Variants in FAF1 observed in about 807,000 individuals in gnomAD.
The protein encoded by FAF1 is FAS-associated factor 1.
A neutral mutation model predicts 92.5 loss-of-function variants in FAF1; 25 were observed. The ratio of observed to expected loss-of-function variants is 0.27; its 90% CI spans 0.20 to 0.38. FAF1 has a LOEUF of 0.38. Ranked by LOEUF, FAF1 falls within the 10% of genes least tolerant of loss-of-function variation. The pLI, the probability that FAF1 is intolerant of heterozygous loss-of-function variation, is 1.00. For missense variants in FAF1, 636 were observed against 793.3 expected, an observed-to-expected ratio of 0.80 and a Z score of 2.38; for synonymous variants, 234 against 273.2, an observed-to-expected ratio of 0.86 and a Z score of 1.42.
intron 17 of FAF1, among the ~76,000 whole-genome samples, chr1:50,477,125 G>T (rs1646648450): frequency 6.6e-6 from 1 of 152,178 alleles, no homozygotes; most frequent in Admixed American, 6.5e-5. Flanking sequence ...AGGTGAATTT[G>T]GTTGGTTCTA....
intron 1 of FAF1, among the ~76,000 whole-genome samples, chr1:50,876,476 C>A (rs1644572514): frequency 6.6e-6 from 1 of 152,144 alleles, no homozygotes; most frequent in Non-Finnish European, 1.5e-5. Flanking sequence ...AATGTAAACA[C>A]CACACATACA....
chr1:50,878,859 A>G (rs1472467742), intron 1 of FAF1, among the ~76,000 whole-genome samples: 5 of 152,214 alleles, frequency 3.3e-5, no homozygotes, highest in Non-Finnish European at 5.9e-5. Flanking sequence ...CCAGAATCAC[A>G]GTGTTAGCAA....
chr1:50,769,358 C>A (rs2124543259), intron 4 of FAF1, among the ~76,000 whole-genome samples: 2 of 152,304 alleles, frequency 1.3e-5, no homozygotes, highest in East Asian at 3.9e-4. Context: ...TGAGTTCTAC[C>A]AGATGCATAG....
At chr1:50,800,658 A>C (rs1031194530) in intron 3 of FAF1, among the ~76,000 whole-genome samples, 4 of 152,196 alleles carry the variant, frequency 2.6e-5, no homozygotes, top group African/African-American at 9.7e-5. Flanking sequence ...ACAGGTATCA[A>C]ACAAATTTTG....
chr1:50,598,156 T>G (rs1208749838), intron 8 of FAF1, among the ~76,000 whole-genome samples: 1 of 151,872 alleles, frequency 6.6e-6, no homozygotes, highest in Non-Finnish European at 1.5e-5. Flanking sequence ...ATTAGCTGGG[T>G]ATGGGGGTGC....
intron 2 of FAF1, among the ~76,000 whole-genome samples, chr1:50,835,961 T>A (rs978732002): frequency 2.6e-5 from 4 of 152,120 alleles, no homozygotes; most frequent in African/African-American, 7.2e-5. Flanking sequence ...CAGGGAAGAC[T>A]GCAAGGCTTA....
At chr1:50,949,836 A>G (rs1391107375) in intron 1 of FAF1, among the ~76,000 whole-genome samples, 2 of 151,574 alleles carry the variant, frequency 1.3e-5, no homozygotes, top group Non-Finnish European at 2.9e-5. Flanking sequence ...TTCTGCTTAC[A>G]GGTACATATA....
chr1:50,624,932 G>C (rs1413679721), intron 8 of FAF1, among the ~76,000 whole-genome samples: 1 of 87,002 alleles, frequency 1.1e-5, no homozygotes, highest in African/African-American at 4.6e-5. Context: ...AAGCAGTTTT[G>C]CTCTTGTTGC....
intron 2 of FAF1, among the ~76,000 whole-genome samples, chr1:50,811,761 A>C (rs752593658): frequency 1.1e-4 from 17 of 152,182 alleles, no homozygotes; most frequent in Admixed American, 3.9e-4. Context: ...AGACAATCCT[A>C]AGCAAAAAGA....
intron 17 of FAF1, among the ~76,000 whole-genome samples, chr1:50,488,322 G>A (rs1424401825): frequency 6.6e-6 from 1 of 152,128 alleles, no homozygotes; most frequent in Non-Finnish European, 1.5e-5. Flanking sequence ...TCTACATTTG[G>A]AAAGAAAGAA....
chr1:50,754,423 T>TA (rs1659994196), intron 4 of FAF1, among the ~76,000 whole-genome samples: 1 of 152,192 alleles, frequency 6.6e-6, no homozygotes, highest in Non-Finnish European at 1.5e-5. Flanking sequence ...GGTTTTCCAA[T>TA]CTAGCTGGTA....
chr1:50,495,606 C>G (rs1646888838), intron 15 of FAF1, among the ~76,000 whole-genome samples: 1 of 152,200 alleles, frequency 6.6e-6, no homozygotes, highest in African/African-American at 2.4e-5. Context: ...ACTGATTTCC[C>G]TCCTTTTGGG....
chr1:50,869,092 C>T (rs891972295), intron 1 of FAF1, among the ~76,000 whole-genome samples: 3 of 151,988 alleles, frequency 2.0e-5, no homozygotes, highest in East Asian at 1.9e-4. Flanking sequence ...GAAGTGTTAC[C>T]TTCTTGAAAA....
At chr1:50,781,500 T>C (rs890159540) in intron 4 of FAF1, among the ~76,000 whole-genome samples, 6 of 152,050 alleles carry the variant, frequency 3.9e-5, no homozygotes, top group African/African-American at 9.7e-5. Context: ...TACCCAAATA[T>C]ATGAAGCAAA....
At chr1:50,602,400 G>A (rs1264032637) in intron 8 of FAF1, among the ~76,000 whole-genome samples, 2 of 151,600 alleles carry the variant, frequency 1.3e-5, no homozygotes, top group Admixed American at 1.3e-4. Flanking sequence ...GTATCCAACT[G>A]TACACTTAAA....
intron 9 of FAF1, among the ~76,000 whole-genome samples, chr1:50,588,497 GGA>G (rs567930979): frequency 1.3e-4 from 20 of 152,298 alleles, no homozygotes; most frequent in Admixed American, 5.9e-4. Context: ...CCATCAGTAA[GGA>G]GAGACCTTCA....
At chr1:50,602,506 T>TA (rs1572862282) in intron 8 of FAF1, among the ~76,000 whole-genome samples, 1 of 149,986 alleles carries the variant, frequency 6.7e-6, no homozygotes, top group East Asian at 1.9e-4. Flanking sequence ...AGTATTGCTT[T>TA]TTTTTTTTTT....
chr1:50,549,900 G>A (rs1314953970), intron 13 of FAF1, among the ~76,000 whole-genome samples: 1 of 152,180 alleles, frequency 6.6e-6, no homozygotes, highest in Non-Finnish European at 1.5e-5. Context: ...GAGCCACTGT[G>A]CACAGCCAAA....
intron 8 of FAF1, among the ~76,000 whole-genome samples, chr1:50,629,326 C>A (rs1653655351): frequency 6.6e-6 from 1 of 152,102 alleles, no homozygotes. Context: ...CATGGCACCA[C>A]GCCCAGCTAA....
Sources: gnomAD v4.1 joint callset for allele counts (sites outside exome capture counted in the v4.1 genomes callset) on GRCh38, gnomAD v4.1.1 for gene constraint, MANE v1.5 for transcripts, NCBI Gene and HGNC (gene_info 2026-07-23, HGNC 2026-07-21) for gene names.